The following GANC variants were observed in gnomAD, a reference collection of about 807,000 sequenced individuals.
GANC encodes the protein glucosidase alpha, neutral C.
A neutral mutation model predicts 124.2 loss-of-function variants in GANC; 117 were observed. The observed-to-expected ratio is 0.94, with a 90% CI of 0.81 to 1.10. GANC has a LOEUF of 1.10. Ranked by LOEUF, GANC falls within the 50% of genes least tolerant of loss-of-function variation. The pLI, the probability that GANC is intolerant of heterozygous loss-of-function variation, is 0.00. For missense variants in GANC, 1,140 were observed against 1,095.0 expected (o/e 1.04, Z -0.58); for synonymous variants, 377 against 376.8 (o/e 1.00, Z -0.01).
intron 10 of GANC, chr15:42,314,813 TA>T (rs1030442569): frequency 6.6e-6 from 1 of 152,268 alleles, no homozygotes; most frequent in Non-Finnish European, 1.5e-5. Context: ...TTGCCCAGAA[TA>T]AATATTGTGG....
intron 12 of GANC, 77 bp downstream of exon 12, chr15:42,326,501 G>T (rs1328044978): frequency 6.3e-7 from 1 of 1,596,920 alleles, no homozygotes; most frequent in African/African-American, 1.3e-5. Flanking sequence ...TCATCATTCT[G>T]CTCCCTTGTA....
intron 19 of GANC, chr15:42,344,690 G>T (rs2052350826): frequency 6.6e-6 from 1 of 152,196 alleles, no homozygotes; most frequent in Non-Finnish European, 1.5e-5. Context: ...TTGGAGTTCT[G>T]AAGATGAGGG....
intron 9 of GANC, 78 bp from the exon 10 acceptor site, chr15:42,310,615 C>G: frequency 6.5e-7 from 1 of 1,544,066 alleles, no homozygotes; most frequent in Non-Finnish European, 8.8e-7. Flanking sequence ...ACTAAAGGAT[C>G]AGACTGTTAC....
chr15:42,341,538 C>G (rs1416924881), intron 18 of GANC, among the ~76,000 whole-genome samples: 1 of 151,888 alleles, frequency 6.6e-6, no homozygotes, highest in Non-Finnish European at 1.5e-5. Context: ...ATACTGTTCC[C>G]CAAAGGGTGA....
At chr15:42,292,435 TA>T (rs1426681510) in intron 4 of GANC, among the ~76,000 whole-genome samples, 1 of 152,144 alleles carries the variant, frequency 6.6e-6, no homozygotes, top group African/African-American at 2.4e-5. Context: ...TGATCTCATT[TA>T]ATTCTCTCCA....
At chr15:42,304,947 A>T (rs2051978960) in intron 6 of GANC, among the ~76,000 whole-genome samples, 1 of 152,246 alleles carries the variant, frequency 6.6e-6, no homozygotes, top group Non-Finnish European at 1.5e-5. Context: ...TACACCTTAT[A>T]CAAAAATTAA....
At chr15:42,340,777 T>TC in intron 18 of GANC, 23 bp downstream of exon 18, 1 of 1,582,092 alleles carries the variant, frequency 6.3e-7, no homozygotes, top group East Asian at 2.2e-5. Flanking sequence ...GTTTTTTTTT[T>TC]TTTTTTTGAG....
rs1479988617 is a variant in GANC at position 42,273,255 on chromosome 15, C to A, written c.-1227C>A. ...AGACGTTAGTGAAGTGAATACTCAC[C>A]GACGGTATCGGAATGTGCCATTTGG... is the stretch of plus-strand genomic sequence containing the variant. On this transcript the variant is annotated 5_prime_UTR_variant, in exon 1 of 24. Coordinates refer to ENST00000318010, the MANE Select transcript of GANC (RefSeq NM_198141.3). 2 of 1,614,060 alleles carry A rather than the reference C, an allele frequency of 1.2e-6. No homozygotes were observed. Among genetic ancestry groups the A allele is most frequent in the East Asian group, 2.2e-5 (1 of 44,886 alleles).
intron 5 of GANC, 125 bp downstream of exon 5, chr15:42,293,042 C>A: frequency 1.1e-6 from 1 of 872,598 alleles, no homozygotes. Flanking sequence ...TAGTATTGTT[C>A]TGAGAAATTT....
chr15:42,274,356 C>CT lies in GANC; in HGVS notation c.-124dup. 1 of 991,206 alleles carries CT rather than the reference C, an allele frequency of 1.0e-6. No individual in the cohort carries two copies. The highest frequency in any genetic ancestry group is 1.5e-6 in the Non-Finnish European group (1 of 658,532). The allele number at this position is 991,206 out of a possible 1,614,324, so 61.4% of individuals were successfully genotyped here. ...TCCATGAGAATCTGGAGGGGACTCC[C>CT]TTCCCAGAAACTTGACGATGAAGTA... On this transcript the variant is annotated 5_prime_UTR_variant, in exon 1 of 24. It introduces an in-frame stop codon into an upstream open reading frame of the 5' UTR. Coordinates refer to ENST00000318010, the MANE Select transcript of GANC (RefSeq NM_198141.3).
At chr15:42,282,331 A>T (rs181692726) in intron 3 of GANC, among the ~76,000 whole-genome samples, 1,787 of 152,272 alleles carry the variant, frequency 0.012, 9 homozygotes, top group Middle Eastern at 0.024. Context: ...CAAAAAAAAA[A>T]ATTTTTAATA....
intron 17 of GANC, 115 bp from the exon 18 acceptor site, chr15:42,340,575 G>A: frequency 1.3e-6 from 1 of 782,598 alleles, no homozygotes; most frequent in Non-Finnish European, 2.0e-6. Flanking sequence ...CGGCATTCCA[G>A]CCTGGGCAAC....
rs186569506 is a variant in GANC at position 42,334,076 on chromosome 15, A to G, written c.1741+3404A>G. Among the ~76,000 whole-genome samples, 3 of 152,328 alleles carry G rather than the reference A, an allele frequency of 2.0e-5. No homozygotes were observed. The East Asian group carries it at 5.8e-4, about 29-fold the overall frequency. On this transcript the variant is annotated intron_variant, in intron 15 of 23. Coordinates refer to ENST00000318010, the MANE Select transcript of GANC (RefSeq NM_198141.3). ...AAAAATGAAACTACACCCCTACCTC[A>G]TACCATATTCAAAATTAAACTAAAA...
rs745909451 is a variant in GANC, at chr15:42,340,760, C to T, written c.2152+6C>T. Reference sequence around the variant, plus strand: ...GGAAGATGAATACATGCTGGGTGAGCATTTCTGTTTTTTTTTTTTTTTTTG... The same window carrying T: ...GGAAGATGAATACATGCTGGGTGAGTATTTCTGTTTTTTTTTTTTTTTTTG... On this transcript the variant is annotated splice_donor_region_variant and intron_variant, in intron 18 of 23. Transcript: ENST00000318010. 2 of 1,506,672 alleles carry T rather than the reference C, an allele frequency of 1.3e-6. No homozygotes were observed. Among genetic ancestry groups the T allele is most frequent in the African/African-American group, 2.8e-5 (2 of 70,872 alleles). 93.3% of individuals were successfully genotyped at this position (1,506,672 alleles called of 1,614,324 possible).
chr15:42,301,332 G>A (rs2051944048), intron 6 of GANC, among the ~76,000 whole-genome samples: 1 of 152,182 alleles, frequency 6.6e-6, no homozygotes, highest in Non-Finnish European at 1.5e-5. Context: ...TTCTGGCCCA[G>A]ATACTACACT....
At chr15:42,282,033 A>G (rs2051739006) in intron 3 of GANC, among the ~76,000 whole-genome samples, 1 of 152,032 alleles carries the variant, frequency 6.6e-6, no homozygotes, top group Admixed American at 6.6e-5. Context: ...CTAAAAATAC[A>G]AAAATAAGGC....
At chr15:42,284,966 T>G (rs772644843) in intron 3 of GANC, among the ~76,000 whole-genome samples, 1 of 152,238 alleles carries the variant, frequency 6.6e-6, no homozygotes, top group Non-Finnish European at 1.5e-5. Flanking sequence ...GATTCTCAAT[T>G]TAAGCAGTCC....
At chr15:42,311,093 C>G (rs2052046067) in intron 10 of GANC, among the ~76,000 whole-genome samples, 1 of 152,162 alleles carries the variant, frequency 6.6e-6, no homozygotes, top group Non-Finnish European at 1.5e-5. Context: ...GCTTTTAGCC[C>G]CTGGGCTATC....
At chr15:42,297,750 GTGCTTGTT>G in intron 6 of GANC, 94 bp downstream of exon 6, 7 of 851,550 alleles carry the variant, frequency 8.2e-6, no homozygotes, top group Non-Finnish European at 1.3e-5. Flanking sequence ...CTACAGAAGG[GTGCTTGTT>G]AAATGATCGA....
Sources: gnomAD v4.1 joint callset for allele counts (sites outside exome capture counted in the v4.1 genomes callset) on GRCh38, gnomAD v4.1.1 for gene constraint, MANE v1.5 for transcripts, NCBI Gene and HGNC (gene_info 2026-07-23, HGNC 2026-07-21) for gene names.